The following PRKG1 variants were observed in gnomAD, a reference collection of about 807,000 sequenced individuals.
The protein encoded by PRKG1 is cGMP-dependent protein kinase 1.
Under a neutral mutation model 88.1 loss-of-function variants are expected in PRKG1, and 35 were observed. That is an observed-to-expected ratio of 0.40 (90% CI 0.30 to 0.53). The LOEUF is 0.53. Ranked by LOEUF, PRKG1 falls within the 20% of genes least tolerant of loss-of-function variation. PRKG1 has a pLI of 0.59. For missense variants in PRKG1, 540 were observed against 839.8 expected (o/e 0.64, Z 4.41); for synonymous variants, 303 against 292.5 (o/e 1.04, Z -0.37).
At chr10:51,721,201 G>A (rs1198395842) in intron 3 of PRKG1, among the ~76,000 whole-genome samples, 3 of 131,792 alleles carry the variant, frequency 2.3e-5, no homozygotes, top group Admixed American at 1.7e-4. Flanking sequence ...GGGTGACAGA[G>A]CAAGACCTAT....
At chr10:51,428,269 A>T (rs1046072991) in intron 2 of PRKG1, among the ~76,000 whole-genome samples, 20 of 152,244 alleles carry the variant, frequency 1.3e-4, no homozygotes, top group African/African-American at 4.8e-4. Context: ...ATTTAGGAAT[A>T]TCACTAATCC....
intron 1 of PRKG1, among the ~76,000 whole-genome samples, chr10:51,033,661 A>G (rs1843316322): frequency 6.6e-6 from 1 of 152,192 alleles, no homozygotes; most frequent in Admixed American, 6.5e-5. Context: ...TTATGTTTAA[A>G]TCACATGTCT....
intron 4 of PRKG1, among the ~76,000 whole-genome samples, chr10:51,852,371 C>G (rs1412777031): frequency 6.6e-6 from 1 of 151,120 alleles, no homozygotes. Context: ...CACACACACA[C>G]ACATAGAGAG....
intron 2 of PRKG1, among the ~76,000 whole-genome samples, chr10:51,347,753 G>A (rs1212830727): frequency 1.3e-5 from 2 of 151,960 alleles, no homozygotes; most frequent in African/African-American, 2.4e-5. Flanking sequence ...ATTTAGCACC[G>A]GTTATCAGAA....
intron 2 of PRKG1, among the ~76,000 whole-genome samples, chr10:51,153,798 A>G (rs1284490918): frequency 6.6e-6 from 1 of 152,088 alleles, no homozygotes; most frequent in African/African-American, 2.4e-5. Flanking sequence ...GGCAGACAAT[A>G]AAGGTTGAAT....
chr10:51,458,113 C>G (rs983653497), intron 2 of PRKG1, among the ~76,000 whole-genome samples: 1 of 152,150 alleles, frequency 6.6e-6, no homozygotes, highest in Non-Finnish European at 1.5e-5. Context: ...GTTGTACACT[C>G]TGGAGAATCC....
chr10:51,815,864 G>GC (rs1302580058), intron 4 of PRKG1, among the ~76,000 whole-genome samples: 3 of 152,154 alleles, frequency 2.0e-5, no homozygotes, highest in African/African-American at 4.8e-5. Flanking sequence ...GCAGCCCCTG[G>GC]AAAGGGAAGC....
chr10:52,274,285 T>C (rs1438761079), intron 12 of PRKG1, among the ~76,000 whole-genome samples: 14 of 144,590 alleles, frequency 9.7e-5, no homozygotes, highest in Non-Finnish European at 1.5e-4. Context: ...CTCCGACTCT[T>C]CCCCCCAAAT....
intron 3 of PRKG1, among the ~76,000 whole-genome samples, chr10:51,679,582 G>A (rs1840791991): frequency 6.6e-6 from 1 of 151,920 alleles, no homozygotes; most frequent in South Asian, 2.1e-4. Context: ...CTTATCTCTG[G>A]AGACACTGGG....
intron 2 of PRKG1, among the ~76,000 whole-genome samples, chr10:51,461,196 G>A (rs555251086): frequency 6.6e-6 from 1 of 152,176 alleles, no homozygotes; most frequent in African/African-American, 2.4e-5. Context: ...CCTAATCTAA[G>A]GAGAAGCAAA....
At chr10:51,664,349 C>G (rs1235325336) in intron 3 of PRKG1, among the ~76,000 whole-genome samples, 1 of 152,072 alleles carries the variant, frequency 6.6e-6, no homozygotes, top group African/African-American at 2.4e-5. Context: ...AGCCAAATTT[C>G]CAAAACAAAA....
chr10:52,191,861 T>G (rs1839371486), intron 9 of PRKG1, among the ~76,000 whole-genome samples: 1 of 151,846 alleles, frequency 6.6e-6, no homozygotes, highest in African/African-American at 2.4e-5. Context: ...ATTATCCAAT[T>G]TATTTTTTTC....
At chr10:51,472,542 A>C (rs1033243683) in intron 3 of PRKG1, among the ~76,000 whole-genome samples, 1 of 151,986 alleles carries the variant, frequency 6.6e-6, no homozygotes, top group African/African-American at 2.4e-5. Context: ...AATGAAAAGG[A>C]GTCATTGATG....
At chr10:51,564,112 C>T (rs1837538316) in intron 3 of PRKG1, among the ~76,000 whole-genome samples, 1 of 152,032 alleles carries the variant, frequency 6.6e-6, no homozygotes, top group South Asian at 2.1e-4. Context: ...TCATCATAAT[C>T]TCATATACCT....
Position 51,048,835 on chromosome 10 carries a change from G to C in PRKG1, c.266+57191G>C, listed in dbSNP as rs574440329. ...AACTGAGAAAATAAGTCCAAACTAAGAAGAGGGAGTATAGTGACTTTTTTT... is the reference window on the plus strand; with the variant it reads ...AACTGAGAAAATAAGTCCAAACTAACAAGAGGGAGTATAGTGACTTTTTTT... On this transcript the variant is annotated intron_variant, in intron 1 of 17. Transcript: ENST00000401604. 1.9e-4 allele frequency among the ~76,000 whole-genome samples: 29 copies of C among 150,346 alleles called. No individual in the cohort carries two copies. The South Asian group carries it at 5.2e-3, about 27-fold the overall frequency.
intron 9 of PRKG1, among the ~76,000 whole-genome samples, chr10:52,166,162 GAGA>G (rs1838428696): frequency 1.3e-5 from 2 of 152,232 alleles, no homozygotes; most frequent in African/African-American, 2.4e-5. Context: ...ATTTTATTTG[GAGA>G]AGAAGGTAGC....
chr10:51,011,428 T>TA (rs1375968529), intron 1 of PRKG1, among the ~76,000 whole-genome samples: 6 of 151,772 alleles, frequency 4.0e-5, no homozygotes, highest in South Asian at 2.1e-4. Flanking sequence ...CCAAACAAAA[T>TA]AAAAAAAATG....
intron 2 of PRKG1, among the ~76,000 whole-genome samples, chr10:51,256,304 T>G (rs951395676): frequency 1.3e-5 from 2 of 152,146 alleles, no homozygotes; most frequent in African/African-American, 4.8e-5. Flanking sequence ...CCACTTTTTT[T>G]TAGTACTCAA....
At chr10:51,850,581 A>AATAAT (rs1401018504) in intron 4 of PRKG1, among the ~76,000 whole-genome samples, 1 of 152,090 alleles carries the variant, frequency 6.6e-6, no homozygotes, top group South Asian at 2.1e-4. Context: ...AAACTGAGGG[A>AATAAT]AAACATTTGC....
Sources: gnomAD v4.1 joint callset for allele counts (sites outside exome capture counted in the v4.1 genomes callset) on GRCh38, gnomAD v4.1.1 for gene constraint, MANE v1.5 for transcripts, NCBI Gene and HGNC (gene_info 2026-07-23, HGNC 2026-07-21) for gene names.